Variants in CARTPT observed in about 807,000 individuals in gnomAD.
CARTPT encodes cocaine- and amphetamine-regulated transcript protein.
In CARTPT, 6 loss-of-function variants were observed where a neutral mutation model predicts 12.2. The ratio of observed to expected loss-of-function variants is 0.49; its 90% CI spans 0.27 to 0.97. The LOEUF (loss-of-function observed/expected upper bound fraction) is 0.97, where lower values mean the gene tolerates loss of function less well. CARTPT is among the 50% of genes least tolerant of loss of function. The pLI is 0.12. For missense variants in CARTPT, 135 were observed against 142.0 expected (o/e 0.95, Z 0.25); for synonymous variants, 75 against 64.1 (o/e 1.17, Z -0.82).
At chr5:71,719,573 C>T in intron 1 of CARTPT, 121 bp downstream of exon 1, 6 of 1,239,910 alleles carry the variant, frequency 4.8e-6, no homozygotes, top group Non-Finnish European at 5.8e-6. Flanking sequence ...GAGCTGAGCG[C>T]AACGCCCAGG....
chr5:71,720,265 C>T (rs1420515047), intron 2 of CARTPT, among the ~76,000 whole-genome samples: 2 of 152,136 alleles, frequency 1.3e-5, no homozygotes, highest in Admixed American at 1.3e-4. Flanking sequence ...CCAACCCTCG[C>T]CACTTAAAGG....
At chr5:71,720,015 G>T in intron 2 of CARTPT, 52 bp downstream of exon 2, 1 of 1,456,630 alleles carries the variant, frequency 6.9e-7, no homozygotes, top group Non-Finnish European at 9.6e-7. Flanking sequence ...AAAGTACACC[G>T]CCTTGAATCG....
At position 71,720,661 on chromosome 5, in the gene CARTPT, C is replaced by G. The variant is rs183782239; in HGVS notation, c.*46C>G. On this transcript the variant is annotated 3_prime_UTR_variant, in exon 3 of 3. Coordinates refer to ENST00000296777, the MANE Select transcript of CARTPT (RefSeq NM_004291.4). ...ATACATCCCCATCCCTCTACTTTCC[C>G]CAGAGGACCACACCTTCCTCCCTGG... is the stretch of plus-strand genomic sequence containing the variant. 2.1e-6 allele frequency: 3 copies of G among 1,434,674 alleles called. No individual in the cohort carries two copies. Among genetic ancestry groups the G allele is most frequent in the African/African-American group, 1.4e-5 (1 of 71,218 alleles). 88.9% of individuals were successfully genotyped at this position (1,434,674 alleles called of 1,614,324 possible). A position where few individuals can be genotyped will look rare whatever the true frequency, so the allele number is the denominator to read the frequency against.
In CARTPT at chr5:71,719,877, C is replaced by A; in HGVS notation, c.160-3C>A. On this transcript the variant is annotated splice_polypyrimidine_tract_variant and splice_region_variant and intron_variant, in intron 1 of 2. Transcript: ENST00000296777. ...CTTCAGGCTCCGAAGCGGTGTGTTG[C>A]AGATCGAAGCGCTGCAAGAAGTCTT... 1 of 1,614,154 alleles carries A rather than the reference C, an allele frequency of 6.2e-7. No homozygotes were observed. Among genetic ancestry groups the A allele is most frequent in the Non-Finnish European group, 8.5e-7 (1 of 1,179,986 alleles).
chr5:71,720,951 C>T lies in CARTPT; in HGVS notation c.*336C>T, dbSNP rs1320506378. 3.2e-6 allele frequency: 1 copy of T among 313,746 alleles called. No individual in the cohort carries two copies. The allele number at this position is 313,746 out of a possible 1,614,324, so 19.4% of individuals were successfully genotyped here. ...AATGAAAATTAGATCTAGCTAATCT[C>T]GGTAGATGTCATTACAACCTGGAAA... is the stretch of plus-strand genomic sequence containing the variant. On this transcript the variant is annotated 3_prime_UTR_variant, in exon 3 of 3. Transcript: ENST00000296777.
rs933508044 is a variant in CARTPT at position 71,719,793 on chromosome 5, CT to C, written c.160-86del. 2.1e-5 allele frequency: 26 copies of C among 1,236,538 alleles called. No individual in the cohort carries two copies. In the Admixed American group the frequency reaches 3.4e-4, roughly 16 times the overall value. The allele number at this position is 1,236,538 out of a possible 1,614,324, so 76.6% of individuals were successfully genotyped here. A position where few individuals can be genotyped will look rare whatever the true frequency, so the allele number is the denominator to read the frequency against. On this transcript the variant is annotated intron_variant, in intron 1 of 2. Coordinates refer to ENST00000296777, the MANE Select transcript of CARTPT (RefSeq NM_004291.4). ...CCGCAGAGTGCGTGTGGGTCCGGGG[CT>C]CCTTATAACTAGGGCTGGAAGTGCG...
chr5:71,720,054 C>A, intron 2 of CARTPT, 91 bp downstream of exon 2: 2 of 1,156,740 alleles, frequency 1.7e-6, no homozygotes, highest in Non-Finnish European at 2.6e-6. Context: ...TAGGATGTGG[C>A]TAAATAACTT....
Position 71,719,441 on chromosome 5 carries a change from G to A in CARTPT, c.148G>A (p.Glu50Lys), listed in dbSNP as rs767124345. ...IYSAVDDASHEKELIEALQEV... is the reference protein window; with the variant it reads ...IYSAVDDASHKKELIEALQEV... ...CTCTGCCGTGGATGATGCCTCCCAC[G>A]AGAAGGAGCTGGTCGGTATTCCCCT... The change falls in exon 1 of 3, where the codon GAG becomes AAG. Residue 50 changes from glutamate (E) to lysine (K), a missense_variant. Coordinates refer to ENST00000296777, the MANE Select transcript of CARTPT (RefSeq NM_004291.4). The A allele has an allele frequency of 1.1e-5, 18 of 1,613,980 alleles. No individual in the cohort carries two copies. In the South Asian group the frequency reaches 1.4e-4, roughly 13 times the overall value.
rs1748691345 is a variant in CARTPT, at chr5:71,720,683, C to A, written c.*68C>A. 7 of 1,290,210 alleles carry A rather than the reference C, an allele frequency of 5.4e-6. No homozygotes were observed. Among genetic ancestry groups the A allele is most frequent in the Non-Finnish European group, 7.7e-6 (7 of 905,918 alleles). 79.9% of individuals were successfully genotyped at this position (1,290,210 alleles called of 1,614,324 possible). A position where few individuals can be genotyped will look rare whatever the true frequency, so the allele number is the denominator to read the frequency against. On this transcript the variant is annotated 3_prime_UTR_variant, in exon 3 of 3. Coordinates refer to ENST00000296777, the MANE Select transcript of CARTPT (RefSeq NM_004291.4). ...TCCCCAGAGGACCACACCTTCCTCC[C>A]TGGAGTTTGGCTTAAGCAACAGATA...
At chr5:71,720,375 A>AC in intron 2 of CARTPT, 133 bp from the exon 3 acceptor site, 1 of 759,818 alleles carries the variant, frequency 1.3e-6, no homozygotes, top group Non-Finnish European at 2.3e-6. Flanking sequence ...ATCTGACTGT[A>AC]CGTAGACCTC....
rs73115470 is a variant in CARTPT, at chr5:71,720,366, T to C, written c.244-142T>C. On this transcript the variant is annotated intron_variant, in intron 2 of 2. Coordinates refer to ENST00000296777, the MANE Select transcript of CARTPT (RefSeq NM_004291.4). Reference sequence around the variant, plus strand: ...TAAGCACAAGGCTCCCTGTTTCAGATCTGACTGTACGTAGACCTCTTGTGA... The same window carrying C: ...TAAGCACAAGGCTCCCTGTTTCAGACCTGACTGTACGTAGACCTCTTGTGA... 2.4e-3 allele frequency: 1,813 copies of C among 740,878 alleles called. 19 individuals carry two copies. The African/African-American group carries it at 0.026, about 11-fold the overall frequency. 45.9% of individuals were successfully genotyped at this position (740,878 alleles called of 1,614,324 possible).
chr5:71,719,507 T>C (rs1026298284), intron 1 of CARTPT, 55 bp downstream of exon 1: 18 of 1,601,072 alleles, frequency 1.1e-5, no homozygotes, highest in Non-Finnish European at 1.5e-5. Context: ...TCTCTTCTCT[T>C]GCACGCCTCC....
At chr5:71,719,583 G>A in intron 1 of CARTPT, 131 bp downstream of exon 1, 4 of 1,080,912 alleles carry the variant, frequency 3.7e-6, no homozygotes, top group South Asian at 1.3e-5. Context: ...CAACGCCCAG[G>A]CACCCACTGC....
At chr5:71,719,788 C>T (rs1486779206) in intron 1 of CARTPT, 92 bp from the exon 2 acceptor site, 4 of 1,195,194 alleles carry the variant, frequency 3.3e-6, no homozygotes, top group East Asian at 4.7e-5. Flanking sequence ...CGTGTGGGTC[C>T]GGGGCTCCTT....
chr5:71,720,783 A>C lies in CARTPT; in HGVS notation c.*168A>C, dbSNP rs1748693526. Reference sequence around the variant, plus strand: ...AAAATAAAAGAACACATTAGATGTTACTGTGTGAAGAATAATGCCTTGTAT... The same window carrying C: ...AAAATAAAAGAACACATTAGATGTTCCTGTGTGAAGAATAATGCCTTGTAT... On this transcript the variant is annotated 3_prime_UTR_variant, in exon 3 of 3. Coordinates refer to ENST00000296777, the MANE Select transcript of CARTPT (RefSeq NM_004291.4). 2 of 660,240 alleles carry C rather than the reference A, an allele frequency of 3.0e-6. No homozygotes were observed. The highest frequency in any genetic ancestry group is 2.6e-4 in the Middle Eastern group (1 of 3,824). 40.9% of individuals were successfully genotyped at this position (660,240 alleles called of 1,614,324 possible). A position where few individuals can be genotyped will look rare whatever the true frequency, so the allele number is the denominator to read the frequency against.
At chr5:71,720,102 C>T in intron 2 of CARTPT, 139 bp downstream of exon 2, 5 of 777,222 alleles carry the variant, frequency 6.4e-6, no homozygotes, top group Non-Finnish European at 1.1e-5. Context: ...GCTCCTTCTT[C>T]CTTCCCGGGT....
rs773955353 is a variant in CARTPT, at chr5:71,719,321, C to T, written c.28C>T (p.Pro10Ser). The T allele has an allele frequency of 1.9e-6, 3 of 1,613,348 alleles. No individual in the cohort carries two copies. The highest frequency in any genetic ancestry group is 1.1e-5 in the South Asian group (1 of 91,068). Residue 10 changes from proline to serine, a missense_variant, in exon 1 of 3, where the codon CCC (proline) becomes TCC (serine). Pro to Ser is a moderately conservative substitution (Grantham distance 74). Coordinates refer to ENST00000296777, the MANE Select transcript of CARTPT (RefSeq NM_004291.4). MESSRVRLL[P>S]LLGAALLLML... is the part of the protein sequence containing the mutation. ...GGAGAGCTCCCGCGTGAGGCTGCTG[C>T]CCCTCCTGGGCGCCGCCCTGCTGCT...
In CARTPT at chr5:71,719,301, G is replaced by T. The variant is rs1282430527; in HGVS notation, c.8G>T (p.Ser3Ile). 5.6e-6 allele frequency: 9 copies of T among 1,612,130 alleles called. No individual in the cohort carries two copies. Among genetic ancestry groups the T allele is most frequent in the Non-Finnish European group, 7.6e-6 (9 of 1,180,012 alleles). Residue 3 changes from serine (S) to isoleucine (I), a missense_variant, in exon 1 of 3, where the codon AGC becomes ATC. Physicochemically the swap from Ser to Ile is moderately radical, Grantham distance 142 (BLOSUM62 -2). Transcript: ENST00000296777. ME[S>I]SRVRLLPLLG... is the part of the protein sequence containing the mutation. Reference sequence around the variant, plus strand: ...ACGACGAGTTTCAGAACGATGGAGAGCTCCCGCGTGAGGCTGCTGCCCCTC... The same window carrying T: ...ACGACGAGTTTCAGAACGATGGAGATCTCCCGCGTGAGGCTGCTGCCCCTC...
chr5:71,719,719 T>G (rs1032867661), intron 1 of CARTPT, 161 bp from the exon 2 acceptor site: 7 of 793,520 alleles, frequency 8.8e-6, no homozygotes, highest in Non-Finnish European at 1.5e-5. Context: ...TGGGACAGCG[T>G]CCGCTAAGTT....
Sources: allele counts gnomAD v4.1 joint callset (sites outside exome capture counted in the v4.1 genomes callset), GRCh38; gene constraint gnomAD v4.1.1; transcripts MANE v1.5; gene names NCBI Gene and HGNC (gene_info 2026-07-23, HGNC 2026-07-21).